The following PDZRN4 variants were observed in gnomAD, a reference collection of about 807,000 sequenced individuals.
PDZRN4 encodes the protein PDZ domain-containing RING finger protein 4.
PDZRN4 carries 70 observed loss-of-function variants against 99.0 expected under a neutral mutation model. The observed-to-expected ratio is 0.71, with a 90% CI of 0.58 to 0.86. The LOEUF is 0.86. Ranked by LOEUF, PDZRN4 falls within the 40% of genes least tolerant of loss-of-function variation. The pLI, the probability that PDZRN4 is intolerant of heterozygous loss-of-function variation, is 0.00. For synonymous variants in PDZRN4, 551 were observed against 501.6 expected (o/e 1.10, Z -1.32); for missense variants, 1,474 against 1,331.2 (o/e 1.11, Z -1.67).
chr12:41,339,342 C>T (rs1480688715), intron 3 of PDZRN4, among the ~76,000 whole-genome samples: 1 of 151,966 alleles, frequency 6.6e-6, no homozygotes, highest in Admixed American at 6.6e-5. Context: ...ACTCTTTTCA[C>T]TAAATGGTGC....
intron 3 of PDZRN4, among the ~76,000 whole-genome samples, chr12:41,311,081 A>T (rs920759094): frequency 6.6e-6 from 1 of 152,210 alleles, no homozygotes; most frequent in African/African-American, 2.4e-5. Flanking sequence ...ATCATCAAAA[A>T]TAGATGAAAG....
At position 41,188,950 on chromosome 12, in the gene PDZRN4, C is replaced by A. The variant is rs1379122041; in HGVS notation, c.495C>A (p.Leu165=). ...GRGRGPGPRV[L]AWRRREKALL... ...GGCGGGGACCCGGGCCTCGGGTCCT[C>A]GCCTGGAGGCGGCGCGAGAAGGCGC... The change falls in exon 1 of 10, where the codon CTC becomes CTA. Residue 165 remains leucine (L), a synonymous_variant. Coordinates refer to ENST00000402685, the MANE Select transcript of PDZRN4 (RefSeq NM_001164595.2). 4.2e-6 allele frequency: 6 copies of A among 1,442,236 alleles called. No homozygotes were observed. The highest frequency in any genetic ancestry group is 1.5e-5 in the African/African-American group (1 of 67,850). 89.3% of individuals were successfully genotyped at this position (1,442,236 alleles called of 1,614,324 possible).
At chr12:41,476,376 T>C (rs1288146003) in intron 3 of PDZRN4, among the ~76,000 whole-genome samples, 2 of 152,206 alleles carry the variant, frequency 1.3e-5, no homozygotes, top group East Asian at 3.8e-4. Context: ...GAGGTTTGTA[T>C]CTCATTTTTA....
At chr12:41,450,694 G>A (rs1351407886) in intron 3 of PDZRN4, among the ~76,000 whole-genome samples, 1 of 152,094 alleles carries the variant, frequency 6.6e-6, no homozygotes, top group African/African-American at 2.4e-5. Flanking sequence ...AGCTGAGGCG[G>A]GGGGATCACT....
At chr12:41,519,229 A>G (rs1190336497) in intron 5 of PDZRN4, among the ~76,000 whole-genome samples, 1 of 152,038 alleles carries the variant, frequency 6.6e-6, no homozygotes, top group Admixed American at 6.6e-5. Context: ...TTGTTCTTCT[A>G]TGCTGTCCTG....
At chr12:41,236,545 G>A (rs1951068190) in intron 3 of PDZRN4, among the ~76,000 whole-genome samples, 1 of 151,958 alleles carries the variant, frequency 6.6e-6, no homozygotes, top group South Asian at 2.1e-4. Flanking sequence ...AGAGATGAAG[G>A]AAAAGAGACT....
intron 3 of PDZRN4, among the ~76,000 whole-genome samples, chr12:41,490,346 A>G (rs1937859447): frequency 6.6e-6 from 1 of 152,144 alleles, no homozygotes; most frequent in South Asian, 2.1e-4. Context: ...CATGAATCCA[A>G]GGCTTTTTGT....
chr12:41,521,597 T>C (rs1360235501), intron 5 of PDZRN4, among the ~76,000 whole-genome samples: 1 of 152,102 alleles, frequency 6.6e-6, no homozygotes. Context: ...AAGGAGGCTA[T>C]AGAAGCACAT....
intron 3 of PDZRN4, among the ~76,000 whole-genome samples, chr12:41,308,791 C>T (rs915131335): frequency 1.3e-5 from 2 of 152,084 alleles, no homozygotes; most frequent in African/African-American, 4.8e-5. Flanking sequence ...AAAGAGTTTA[C>T]CCAGTGAAGT....
intron 4 of PDZRN4, among the ~76,000 whole-genome samples, chr12:41,507,006 C>T (rs528658064): frequency 1.5e-3 from 222 of 152,248 alleles, no homozygotes; most frequent in African/African-American, 5.2e-3. Flanking sequence ...TCAAAAGCCT[C>T]ATGCTACTCA....
At chr12:41,555,898 G>C in intron 7 of PDZRN4, 138 bp downstream of exon 7, 1 of 656,268 alleles carries the variant, frequency 1.5e-6, no homozygotes, top group Admixed American at 2.6e-5. Flanking sequence ...AAAAAAAAAA[G>C]TGCTGTCATT....
intron 3 of PDZRN4, among the ~76,000 whole-genome samples, chr12:41,403,886 A>C (rs2120357982): frequency 6.6e-6 from 1 of 152,330 alleles, no homozygotes; most frequent in South Asian, 2.1e-4. Flanking sequence ...TAAATGGATA[A>C]GTAGAAAGAT....
intron 2 of PDZRN4, among the ~76,000 whole-genome samples, 200 bp downstream of exon 2, chr12:41,191,744 T>TTTTATTTATTTA (rs146409787): frequency 8.2e-6 from 1 of 121,278 alleles, no homozygotes; most frequent in African/African-American, 3.1e-5. Flanking sequence ...CATACCCAGA[T>TTTTATTTATTTA]TTTATTTATT....
chr12:41,293,823 T>G (rs1238792897), intron 3 of PDZRN4, among the ~76,000 whole-genome samples: 1 of 152,222 alleles, frequency 6.6e-6, no homozygotes, highest in Non-Finnish European at 1.5e-5. Flanking sequence ...TAATTATTCA[T>G]TCTAGATGTC....
chr12:41,411,046 AAAATATAT>A (rs1565575860), intron 3 of PDZRN4, among the ~76,000 whole-genome samples: 2 of 121,660 alleles, frequency 1.6e-5, no homozygotes, highest in African/African-American at 3.6e-5. Flanking sequence ...ACTGAGCTTT[AAAATATAT>A]ATATATATAT....
intron 5 of PDZRN4, among the ~76,000 whole-genome samples, chr12:41,540,194 TACA>T (rs1470743486): frequency 1.3e-5 from 2 of 152,218 alleles, no homozygotes; most frequent in Non-Finnish European, 2.9e-5. Flanking sequence ...ATTATGTATT[TACA>T]ACAACATTTT....
At chr12:41,548,790 C>CA (rs145313274) in intron 5 of PDZRN4, among the ~76,000 whole-genome samples, 1 of 151,928 alleles carries the variant, frequency 6.6e-6, no homozygotes, top group African/African-American at 2.4e-5. Context: ...GACTCAATCA[C>CA]AAAAAAATAT....
intron 3 of PDZRN4, among the ~76,000 whole-genome samples, chr12:41,422,591 G>T (rs1301547657): frequency 6.6e-6 from 1 of 151,894 alleles, no homozygotes; most frequent in Non-Finnish European, 1.5e-5. Context: ...ATGGTGACAG[G>T]AGAGAGAGAG....
chr12:41,214,318 A>G (rs1236302778), intron 3 of PDZRN4, among the ~76,000 whole-genome samples: 11 of 148,328 alleles, frequency 7.4e-5, no homozygotes, highest in African/African-American at 2.7e-4. Context: ...AGTTCCAACT[A>G]CTTTGGAGGC....
Sources: allele counts gnomAD v4.1 joint callset (sites outside exome capture counted in the v4.1 genomes callset), GRCh38; gene constraint gnomAD v4.1.1; transcripts MANE v1.5; gene names NCBI Gene and HGNC (gene_info 2026-07-23, HGNC 2026-07-21).